The following MANBA variants were observed in gnomAD, a reference collection of about 807,000 sequenced individuals.
The protein encoded by MANBA is beta-mannosidase.
A neutral mutation model predicts 111.1 loss-of-function variants in MANBA; 83 were observed. The ratio of observed to expected loss-of-function variants is 0.75; its 90% CI spans 0.63 to 0.90. The LOEUF (loss-of-function observed/expected upper bound fraction) is 0.90. Among genes scored for constraint, MANBA ranks in the 40% least tolerant of loss-of-function variants. The probability of loss-of-function intolerance (pLI) is 0.00; values close to 1 mark genes in which losing one functional copy is unlikely to be tolerated. For missense variants in MANBA, 1,036 were observed against 1,069.0 expected, an observed-to-expected ratio of 0.97 and a Z score of 0.43; for synonymous variants, 370 against 378.7, an observed-to-expected ratio of 0.98 and a Z score of 0.27.
intron 1 of MANBA, among the ~76,000 whole-genome samples, chr4:102,737,152 C>G (rs1206970406): frequency 6.6e-6 from 1 of 152,124 alleles, no homozygotes; most frequent in Non-Finnish European, 1.5e-5. Context: ...AGGGGAGTCA[C>G]AGGGTGAAGG....
At chr4:102,733,435 C>T (rs1217551285) in intron 1 of MANBA, among the ~76,000 whole-genome samples, 1 of 151,848 alleles carries the variant, frequency 6.6e-6, no homozygotes, top group South Asian at 2.1e-4. Context: ...TTCACTACAG[C>T]CTCAACCTCC....
intron 1 of MANBA, among the ~76,000 whole-genome samples, chr4:102,738,935 A>G (rs1723309867): frequency 1.3e-5 from 2 of 152,226 alleles, no homozygotes; most frequent in East Asian, 1.9e-4. Flanking sequence ...AAAATGAAAG[A>G]CATACTTAGA....
At chr4:102,744,961 G>A (rs969580675) in intron 1 of MANBA, among the ~76,000 whole-genome samples, 2 of 152,110 alleles carry the variant, frequency 1.3e-5, no homozygotes, top group Non-Finnish European at 2.9e-5. Flanking sequence ...TACCTGCTAC[G>A]TATGTCTATG....
chr4:102,750,632 G>A (rs1009388559), intron 1 of MANBA, among the ~76,000 whole-genome samples: 2 of 152,164 alleles, frequency 1.3e-5, no homozygotes, highest in African/African-American at 2.4e-5. Context: ...TACTAAGGGC[G>A]CCAGGAGCAG....
intron 1 of MANBA, among the ~76,000 whole-genome samples, chr4:102,749,739 G>A: frequency 6.6e-6 from 1 of 152,156 alleles, no homozygotes; most frequent in East Asian, 1.9e-4. Flanking sequence ...ATGAACAAGT[G>A]CACATGAAAG....
At chr4:102,727,557 A>T in intron 1 of MANBA, 1 of 1,606,048 alleles carries the variant, frequency 6.2e-7, no homozygotes, top group Non-Finnish European at 8.5e-7. Context: ...TTTCAAACTG[A>T]TCACCTGGGG....
intron 1 of MANBA, chr4:102,728,433 T>C (rs1560801898): frequency 2.2e-6 from 1 of 464,944 alleles, no homozygotes; most frequent in Non-Finnish European, 4.2e-6. Context: ...AGTTTTTGGA[T>C]GCAGATTGAA....
chr4:102,675,799 C>A lies in MANBA; in HGVS notation c.961-1729G>T, dbSNP rs943085502. 8.6e-5 allele frequency among the ~76,000 whole-genome samples: 13 copies of A among 151,968 alleles called. No homozygotes were observed. The East Asian group carries it at 2.3e-3, about 27-fold the overall frequency. ...ACCAGCCTGGCCAACATGGTGAAAT[C>A]CTATCTCTACTAAATACAAAAATTA... On this transcript the variant is annotated intron_variant, in intron 7 of 16. Transcript: ENST00000647097.
At chr4:102,702,936 A>G (rs1733126753) in intron 5 of MANBA, among the ~76,000 whole-genome samples, 1 of 152,224 alleles carries the variant, frequency 6.6e-6, no homozygotes, top group South Asian at 2.1e-4. Context: ...AGGCTTTCAT[A>G]TCAAGTTAGC....
intron 5 of MANBA, among the ~76,000 whole-genome samples, chr4:102,697,388 G>A (rs1203804883): frequency 1.3e-5 from 2 of 151,220 alleles, no homozygotes; most frequent in Non-Finnish European, 3.0e-5. Flanking sequence ...TAAGTTTTAG[G>A]GTACATGTGC....
rs941962740 is a variant in MANBA, at chr4:102,631,379, A to T, written c.*678T>A. The T allele has an allele frequency of 5.7e-6, 1 of 176,608 alleles. No individual in the cohort carries two copies. The highest frequency in any genetic ancestry group is 2.4e-5 in the African/African-American group (1 of 42,472). The allele number at this position is 176,608 out of a possible 1,614,324, so 10.9% of individuals were successfully genotyped here. A position where few individuals can be genotyped will look rare whatever the true frequency, so the allele number is the denominator to read the frequency against. On this transcript the variant is annotated 3_prime_UTR_variant, in exon 17 of 17. Coordinates refer to ENST00000647097, the MANE Select transcript of MANBA (RefSeq NM_005908.4). ...TAGTTTAGATTCTTCAAACTCTCCC[A>T]GTTTACCAAGCAGAATAATAACGAG...
chr4:102,633,658 C>T (rs1242884004), intron 16 of MANBA, among the ~76,000 whole-genome samples: 3 of 152,152 alleles, frequency 2.0e-5, no homozygotes, highest in Non-Finnish European at 2.9e-5. Flanking sequence ...AAGAGCCCTG[C>T]TTTTCTCCCA....
chr4:102,683,196 G>GA (rs1269488423), intron 7 of MANBA, among the ~76,000 whole-genome samples: 17 of 149,904 alleles, frequency 1.1e-4, no homozygotes, highest in South Asian at 4.2e-4. Context: ...AACTGAAAAA[G>GA]AAAAAAAAAT....
At chr4:102,696,673 T>C (rs1027572222) in intron 5 of MANBA, among the ~76,000 whole-genome samples, 1 of 152,148 alleles carries the variant, frequency 6.6e-6, no homozygotes, top group Non-Finnish European at 1.5e-5. Flanking sequence ...TTCATCTCAC[T>C]GGGGGGAAAA....
chr4:102,632,014 T>A lies in MANBA; in HGVS notation c.*43A>T, dbSNP rs531173181. On this transcript the variant is annotated 3_prime_UTR_variant, in exon 17 of 17. Transcript: ENST00000647097. ...TCCTCTCCAGTCGGTGCTTTAGAAA[T>A]GCTTTATTCCCATTGTCCACTGAAA... 1 of 1,487,624 alleles carries A rather than the reference T, an allele frequency of 6.7e-7. No individual in the cohort carries two copies. The highest frequency in any genetic ancestry group is 2.3e-5 in the East Asian group (1 of 44,302). 92.2% of individuals were successfully genotyped at this position (1,487,624 alleles called of 1,614,324 possible).
chr4:102,689,582 A>T lies in MANBA; in HGVS notation c.952T>A (p.Ser318Thr), dbSNP rs1288678758. 5 of 1,577,548 alleles carry T rather than the reference A, an allele frequency of 3.2e-6. No individual in the cohort carries two copies. Among genetic ancestry groups the T allele is most frequent in the African/African-American group, 1.4e-5 (1 of 73,914 alleles). The change falls in exon 7 of 17, where the codon TCA (serine) becomes ACA (threonine). Residue 318 changes from serine (S) to threonine (T), a missense_variant. By Grantham distance (58) the Ser-to-Thr change is moderately conservative (BLOSUM62 1). Transcript: ENST00000647097. ...TTAAATTACTTACTTACCTTAGCTGATTTTTCAATATTTAAGCCTCCATCC... is the reference window on the plus strand; with the variant it reads ...TTAAATTACTTACTTACCTTAGCTGTTTTTTCAATATTTAAGCCTCCATCC... ...ELDGGLNIEK[S>T]AKVYFRTVEL...
intron 11 of MANBA, among the ~76,000 whole-genome samples, chr4:102,659,540 C>A (rs1730827188): frequency 6.6e-6 from 1 of 152,114 alleles, no homozygotes; most frequent in South Asian, 2.1e-4. Context: ...ATCTTCCACT[C>A]CATTTTTTTC....
chr4:102,707,316 G>A (rs1733342855), intron 5 of MANBA, among the ~76,000 whole-genome samples: 1 of 152,100 alleles, frequency 6.6e-6, no homozygotes, highest in Middle Eastern at 3.2e-3. Context: ...CCCAGCCAAG[G>A]ATGCCATACC....
At chr4:102,718,832 C>T (rs1412451923) in intron 4 of MANBA, among the ~76,000 whole-genome samples, 1 of 152,202 alleles carries the variant, frequency 6.6e-6, no homozygotes, top group South Asian at 2.1e-4. Context: ...TTGGTAGGAC[C>T]GTGATGACGA....
Sources: allele counts gnomAD v4.1 joint callset (sites outside exome capture counted in the v4.1 genomes callset), GRCh38; gene constraint gnomAD v4.1.1; transcripts MANE v1.5; gene names NCBI Gene and HGNC (gene_info 2026-07-23, HGNC 2026-07-21).